Variants in PNPT1 observed in about 807,000 individuals in gnomAD.
The protein encoded by PNPT1 is polyribonucleotide nucleotidyltransferase 1, also known as polyribonucleotide nucleotidyltransferase 1, mitochondrial.
A neutral mutation model predicts 119.5 loss-of-function variants in PNPT1; 53 were observed. The observed-to-expected ratio is 0.44, with a 90% CI of 0.36 to 0.56. PNPT1 has a LOEUF of 0.56. Ranked by LOEUF, PNPT1 falls within the 20% of genes least tolerant of loss-of-function variation. The pLI is 0.00. For missense variants in PNPT1, 948 were observed against 938.5 expected, an observed-to-expected ratio of 1.01 and a Z score of -0.13; for synonymous variants, 357 against 322.1, an observed-to-expected ratio of 1.11 and a Z score of -1.16.
intron 9 of PNPT1, 103 bp from the exon 10 acceptor site, chr2:55,672,149 T>G: frequency 2.4e-6 from 2 of 818,456 alleles, no homozygotes; most frequent in Non-Finnish European, 3.9e-6. Flanking sequence ...CAGCTAAAAC[T>G]TTAATAAATA....
intron 25 of PNPT1, among the ~76,000 whole-genome samples, chr2:55,642,730 AATG>A (rs1359123221): frequency 2.0e-5 from 3 of 152,148 alleles, no homozygotes; most frequent in African/African-American, 7.2e-5. Flanking sequence ...CTTAAAAAAT[AATG>A]ATTATATGGC....
Position 55,636,328 on chromosome 2 carries a change from G to A in PNPT1, c.2261C>T (p.Ser754Leu), listed in dbSNP as rs756689143. 2.2e-5 allele frequency: 36 copies of A among 1,613,856 alleles called. No individual in the cohort carries two copies. Among genetic ancestry groups the A allele is most frequent in the South Asian group, 2.1e-4 (19 of 91,066 alleles). The change falls in exon 28 of 28, where the codon TCG (serine) becomes TTG (leucine). Residue 754 changes from serine to leucine, a missense_variant. By Grantham distance (145) the Ser-to-Leu change is moderately radical. Coordinates refer to ENST00000447944, the MANE Select transcript of PNPT1 (RefSeq NM_033109.5). ...AGTTCTGACCACGGTTGTAGCTGGC[G>A]ACTGAAGCACTTTTCGAGAAAGCCT... ...RMRLSRKVLQ[S>L]PATTVVRTLN... is the part of the protein sequence containing the mutation.
chr2:55,690,817 G>C (rs1697573840), intron 1 of PNPT1, among the ~76,000 whole-genome samples: 1 of 152,086 alleles, frequency 6.6e-6, no homozygotes, highest in Non-Finnish European at 1.5e-5. Context: ...ATGGGAATGA[G>C]GTACAGAGAG....
intron 12 of PNPT1, among the ~76,000 whole-genome samples, chr2:55,667,520 G>A (rs576445824): frequency 2.6e-5 from 4 of 151,946 alleles, no homozygotes; most frequent in African/African-American, 9.7e-5. Context: ...CGTGAACCCG[G>A]AAGGCGGAGC....
chr2:55,679,570 C>A, intron 8 of PNPT1, 112 bp downstream of exon 8: 1 of 722,452 alleles, frequency 1.4e-6, no homozygotes, highest in South Asian at 1.8e-5. Flanking sequence ...TAAAACATGA[C>A]AAAAATTTTT....
At position 55,667,609 on chromosome 2, in the gene PNPT1, C is replaced by CA. The variant is rs1219786957; in HGVS notation, c.1073+252dup. On this transcript the variant is annotated intron_variant, in intron 12 of 27. Transcript: ENST00000447944. Reference sequence around the variant, plus strand: ...TCAAAAAAAAAAAACAAAAAACAAACAAACAAAAAACTCTACAGGTAATCC... The same window carrying CA: ...TCAAAAAAAAAAAACAAAAAACAAACAAAACAAAAAACTCTACAGGTAATCC... 5.3e-5 allele frequency among the ~76,000 whole-genome samples: 8 copies of CA among 150,758 alleles called. No individual in the cohort carries two copies. The East Asian group carries it at 1.4e-3, about 26-fold the overall frequency.
At chr2:55,662,247 A>G (rs1696602814) in intron 13 of PNPT1, among the ~76,000 whole-genome samples, 1 of 152,338 alleles carries the variant, frequency 6.6e-6, no homozygotes, top group South Asian at 2.1e-4. Context: ...CATAGACTAC[A>G]TATGTAAAGC....
chr2:55,676,521 G>A (rs1404011639), intron 8 of PNPT1, among the ~76,000 whole-genome samples: 1 of 152,184 alleles, frequency 6.6e-6, no homozygotes, highest in Non-Finnish European at 1.5e-5. Context: ...CCCAGCAGCT[G>A]ACAGCATGGA....
chr2:55,656,373 T>G lies in PNPT1; in HGVS notation c.1285-2A>C. 1 of 1,588,526 alleles carries G rather than the reference T, an allele frequency of 6.3e-7. No individual in the cohort carries two copies. The highest frequency in any genetic ancestry group is 8.5e-7 in the Non-Finnish European group (1 of 1,170,904). ...TTCATTAGTTGCATAAGGAGGAAACTTAAAAAAAAAAAAACACAAACACAC... is the reference window on the plus strand; with the variant it reads ...TTCATTAGTTGCATAAGGAGGAAACGTAAAAAAAAAAAAACACAAACACAC... On this transcript the variant is annotated splice_acceptor_variant, in intron 15 of 27. Coordinates refer to ENST00000447944, the MANE Select transcript of PNPT1 (RefSeq NM_033109.5). LOFTEE classifies it high-confidence loss of function.
chr2:55,680,991 C>G (rs557766810), intron 5 of PNPT1, 73 bp from the exon 6 acceptor site: 1 of 1,196,502 alleles, frequency 8.4e-7, no homozygotes, highest in South Asian at 1.3e-5. Context: ...AATACAAGAG[C>G]ACTATATGGC....
rs184949796 is a variant in PNPT1, at chr2:55,642,963, A to T, written c.2069+195T>A. On this transcript the variant is annotated intron_variant, in intron 25 of 27. Coordinates refer to ENST00000447944, the MANE Select transcript of PNPT1 (RefSeq NM_033109.5). ...GAGACCATGTCTTTACAAAAAAATTAAAAAATCAGCCACGTGTGGTGGTGT... is the reference window on the plus strand; with the variant it reads ...GAGACCATGTCTTTACAAAAAAATTTAAAAATCAGCCACGTGTGGTGGTGT... Among the ~76,000 whole-genome samples, 27 of 152,236 alleles carry T rather than the reference A, an allele frequency of 1.8e-4. 1 individual carries two copies. Among genetic ancestry groups the T allele is most frequent in the African/African-American group, 5.5e-4 (23 of 41,554 alleles).
intron 18 of PNPT1, among the ~76,000 whole-genome samples, chr2:55,652,574 G>C (rs193287655): frequency 6.6e-6 from 1 of 152,118 alleles, no homozygotes; most frequent in African/African-American, 2.4e-5. Flanking sequence ...TCTTCAACTT[G>C]AGATCATTCT....
At chr2:55,688,125 C>T (rs1697473208) in intron 1 of PNPT1, among the ~76,000 whole-genome samples, 1 of 151,658 alleles carries the variant, frequency 6.6e-6, no homozygotes, top group Admixed American at 6.6e-5. Flanking sequence ...CTCACTGCAA[C>T]CTAGAACACC....
intron 12 of PNPT1, 54 bp from the exon 13 acceptor site, chr2:55,667,147 A>G: frequency 7.4e-7 from 1 of 1,353,698 alleles, no homozygotes; most frequent in South Asian, 1.2e-5. Flanking sequence ...CAGAAAAATC[A>G]CATGTCTTTA....
chr2:55,657,559 G>C lies in PNPT1; in HGVS notation c.1285-1188C>G, dbSNP rs1371445049. Reference sequence around the variant, plus strand: ...TGCACCACCATGCCCAGCTAATTTTGTACTTTTAGTAGGACAGAGTTTCAC... The same window carrying C: ...TGCACCACCATGCCCAGCTAATTTTCTACTTTTAGTAGGACAGAGTTTCAC... On this transcript the variant is annotated intron_variant, in intron 15 of 27. Coordinates refer to ENST00000447944, the MANE Select transcript of PNPT1 (RefSeq NM_033109.5). Among the ~76,000 whole-genome samples, 7 of 151,214 alleles carry C rather than the reference G, an allele frequency of 4.6e-5. No homozygotes were observed. The East Asian group carries it at 1.4e-3, about 30-fold the overall frequency.
chr2:55,671,237 A>T, intron 11 of PNPT1, 82 bp downstream of exon 11: 1 of 668,242 alleles, frequency 1.5e-6, no homozygotes, highest in Non-Finnish European at 2.3e-6. Context: ...TTTGACCTTT[A>T]ATCCCAAGAA....
Position 55,684,945 on chromosome 2 carries a change from A to AT in PNPT1, c.400dup (p.Ile134AsnfsTer6). ...ACGCCTCTATGTTAATATCTTACCT[A>AT]TTATTCGACTTGTTAGAATTTCTTT... On this transcript the variant is annotated frameshift_variant, in exon 4 of 28. Coordinates refer to ENST00000447944, the MANE Select transcript of PNPT1 (RefSeq NM_033109.5). LOFTEE classifies it high-confidence loss of function. 3.8e-6 allele frequency: 6 copies of AT among 1,568,456 alleles called. No homozygotes were observed. The highest frequency in any genetic ancestry group is 5.2e-6 in the Non-Finnish European group (6 of 1,149,690).
chr2:55,637,351 A>C (rs1242484932), intron 27 of PNPT1, among the ~76,000 whole-genome samples: 2 of 152,274 alleles, frequency 1.3e-5, no homozygotes, highest in Admixed American at 6.5e-5. Flanking sequence ...ATTTTGGCCA[A>C]GCTGCAAGCT....
intron 1 of PNPT1, among the ~76,000 whole-genome samples, chr2:55,693,166 G>T (rs1160546471): frequency 2.6e-5 from 4 of 152,144 alleles, no homozygotes; most frequent in Non-Finnish European, 5.9e-5. Context: ...TACAAGGTAG[G>T]CTCCTGGTGA....
Sources: gnomAD v4.1 joint callset for allele counts (sites outside exome capture counted in the v4.1 genomes callset) on GRCh38, gnomAD v4.1.1 for gene constraint, MANE v1.5 for transcripts, NCBI Gene and HGNC (gene_info 2026-07-23, HGNC 2026-07-21) for gene names.